The following PTPRD variants were observed in gnomAD, a reference collection of about 807,000 sequenced individuals.
PTPRD encodes protein tyrosine phosphatase receptor type D.
PTPRD carries 34 observed loss-of-function variants against 214.5 expected under a neutral mutation model. The ratio of observed to expected loss-of-function variants is 0.16; its 90% CI spans 0.12 to 0.21. The LOEUF is 0.21. Ranked by LOEUF, PTPRD falls within the 10% of genes least tolerant of loss-of-function variation. The pLI is 1.00. For missense variants in PTPRD, 2,545 were observed against 2,398.7 expected (o/e 1.06, Z -1.27); for synonymous variants, 1,128 against 845.7 (o/e 1.33, Z -5.79).
rs377533952 is a variant in PTPRD, at chr9:8,500,938, C to T, written c.1944G>A (p.Lys648=). 62 of 1,614,050 alleles carry T rather than the reference C, an allele frequency of 3.8e-5. No individual in the cohort carries two copies. The Middle Eastern group carries it at 1.3e-3, about 34-fold the overall frequency. ...QNGIITEYSI[K]YTAVDGEDDK... is the part of the protein sequence containing the mutation. ...CATCTTCCCCATCCACTGCAGTGTACTTGATGGAGTATTCAGTGATAATGC... is the reference window on the plus strand; with the variant it reads ...CATCTTCCCCATCCACTGCAGTGTATTTGATGGAGTATTCAGTGATAATGC... The change falls in exon 24 of 46, where the codon AAG becomes AAA. Residue 648 remains lysine, a synonymous_variant. Coordinates refer to ENST00000381196, the MANE Select transcript of PTPRD (RefSeq NM_002839.4).
chr9:9,878,633 A>C (rs75280089), intron 5 of PTPRD, among the ~76,000 whole-genome samples: 4,022 of 152,280 alleles, frequency 0.026, 66 homozygotes, highest in Middle Eastern at 0.044. Context: ...TGGATGAATG[A>C]TAGAACTCTT....
chr9:9,745,752 T>C (rs149255483), intron 6 of PTPRD, among the ~76,000 whole-genome samples: 7 of 152,206 alleles, frequency 4.6e-5, no homozygotes, highest in Admixed American at 1.3e-4. Context: ...CACTGTACTC[T>C]AGCTACACAG....
chr9:8,598,695 A>C (rs1005525787), intron 14 of PTPRD, among the ~76,000 whole-genome samples: 1 of 152,162 alleles, frequency 6.6e-6, no homozygotes, highest in Non-Finnish European at 1.5e-5. Flanking sequence ...TAGCACTAAA[A>C]AGTATCCTTC....
At chr9:10,339,075 G>A (rs2096893887) in intron 3 of PTPRD, among the ~76,000 whole-genome samples, 2 of 151,676 alleles carry the variant, frequency 1.3e-5, no homozygotes, top group South Asian at 4.2e-4. Context: ...TATCCAGGTG[G>A]TATTGTTTAG....
chr9:9,369,654 C>T (rs1245582007), intron 9 of PTPRD, among the ~76,000 whole-genome samples: 1 of 152,052 alleles, frequency 6.6e-6, no homozygotes, highest in African/African-American at 2.4e-5. Context: ...GTTGCCATTG[C>T]TTTTGGTGTT....
chr9:10,204,379 C>T (rs1211888585), intron 3 of PTPRD, among the ~76,000 whole-genome samples: 2 of 152,080 alleles, frequency 1.3e-5, no homozygotes, highest in African/African-American at 2.4e-5. Flanking sequence ...TTTGAAAAAT[C>T]CTCTAAATAC....
intron 2 of PTPRD, among the ~76,000 whole-genome samples, chr9:10,455,846 A>G (rs930405966): frequency 6.6e-6 from 1 of 151,846 alleles, no homozygotes; most frequent in African/African-American, 2.4e-5. Flanking sequence ...GTAGAATATA[A>G]AATATGTAAA....
chr9:10,320,691 C>T (rs1167748191), intron 3 of PTPRD, among the ~76,000 whole-genome samples: 2 of 151,814 alleles, frequency 1.3e-5, no homozygotes, highest in Non-Finnish European at 2.9e-5. Flanking sequence ...CTACTGAGAC[C>T]ATTGATTTGA....
intron 39 of PTPRD, among the ~76,000 whole-genome samples, chr9:8,346,262 C>T (rs1857524022): frequency 6.6e-6 from 1 of 152,002 alleles, no homozygotes; most frequent in Non-Finnish European, 1.5e-5. Flanking sequence ...TAGCAAAAGC[C>T]AATCCTTACA....
chr9:9,193,459 G>A (rs913169267), intron 9 of PTPRD, among the ~76,000 whole-genome samples: 5 of 152,076 alleles, frequency 3.3e-5, no homozygotes, highest in African/African-American at 9.7e-5. Context: ...GAAATGTGTT[G>A]TCAAGCGATT....
intron 3 of PTPRD, among the ~76,000 whole-genome samples, chr9:10,034,407 CTT>C (rs56827836): frequency 4.5e-5 from 4 of 89,540 alleles, no homozygotes; most frequent in Non-Finnish European, 6.4e-5. Context: ...CCTGGCTCTA[CTT>C]TTTTTTTTTT....
intron 3 of PTPRD, among the ~76,000 whole-genome samples, chr9:10,194,490 G>A (rs1457847556): frequency 6.6e-6 from 1 of 151,612 alleles, no homozygotes; most frequent in Non-Finnish European, 1.5e-5. Context: ...AGGAATCTGA[G>A]GTTGAAAGAT....
At chr9:9,992,314 G>A (rs144774728) in intron 4 of PTPRD, among the ~76,000 whole-genome samples, 9 of 152,126 alleles carry the variant, frequency 5.9e-5, no homozygotes, top group African/African-American at 1.9e-4. Flanking sequence ...ATAAAAATTC[G>A]TGGTAAAGAA....
intron 8 of PTPRD, among the ~76,000 whole-genome samples, chr9:9,484,600 C>A (rs1463403017): frequency 2.0e-5 from 3 of 152,106 alleles, no homozygotes; most frequent in Non-Finnish European, 4.4e-5. Context: ...TATTGGTTTA[C>A]ATTCATTCAG....
chr9:9,316,129 C>T (rs1299712011), intron 9 of PTPRD, among the ~76,000 whole-genome samples: 2 of 151,900 alleles, frequency 1.3e-5, no homozygotes, highest in African/African-American at 4.8e-5. Context: ...CACCCTTCAT[C>T]TTTCATCTTA....
chr9:8,848,202 G>A (rs368893336), intron 11 of PTPRD, among the ~76,000 whole-genome samples: 1 of 151,062 alleles, frequency 6.6e-6, no homozygotes, highest in African/African-American at 2.4e-5. Context: ...AAACCCCTTT[G>A]GTAAAAAAAT....
intron 39 of PTPRD, among the ~76,000 whole-genome samples, chr9:8,370,233 CACACATAT>C (rs1322030562): frequency 1.7e-4 from 6 of 35,076 alleles, no homozygotes; most frequent in Admixed American, 2.7e-4. Flanking sequence ...CACACACACA[CACACATAT>C]ATATATATGT....
At chr9:8,442,522 T>C (rs1288491614) in intron 34 of PTPRD, among the ~76,000 whole-genome samples, 2 of 152,140 alleles carry the variant, frequency 1.3e-5, no homozygotes, top group Admixed American at 1.3e-4. Context: ...TACTGATAAA[T>C]TGTGATAAAG....
At chr9:8,380,421 A>G (rs2084664270) in intron 37 of PTPRD, among the ~76,000 whole-genome samples, 2 of 152,202 alleles carry the variant, frequency 1.3e-5, no homozygotes, top group Non-Finnish European at 2.9e-5. Flanking sequence ...CTTGTCACTC[A>G]GGCTGTGGTT....
Sources: allele counts gnomAD v4.1 joint callset (sites outside exome capture counted in the v4.1 genomes callset), GRCh38; gene constraint gnomAD v4.1.1; transcripts MANE v1.5; gene names NCBI Gene and HGNC (gene_info 2026-07-23, HGNC 2026-07-21).